ELAVL2: variants seen among roughly 807,000 people sequenced by gnomAD.
ELAVL2 encodes ELAV like RNA binding protein 2.
A neutral mutation model predicts 34.6 loss-of-function variants in ELAVL2; 4 were observed. The ratio of observed to expected loss-of-function variants is 0.12; its 90% CI spans 0.06 to 0.26. The LOEUF is 0.26. ELAVL2 is among the 10% of genes least tolerant of loss of function. ELAVL2 has a pLI of 1.00. For synonymous variants in ELAVL2, 193 were observed against 154.8 expected, an observed-to-expected ratio of 1.25 and a Z score of -1.83; for missense variants, 432 against 442.8, an observed-to-expected ratio of 0.98 and a Z score of 0.22.
chr9:23,789,023 G>T (rs775881658), intron 1 of ELAVL2, among the ~76,000 whole-genome samples: 1 of 152,180 alleles, frequency 6.6e-6, no homozygotes, highest in African/African-American at 2.4e-5. Flanking sequence ...CCAAGCAAAA[G>T]AAAAGAGACC....
chr9:23,765,511 G>A (rs967985312), intron 1 of ELAVL2, among the ~76,000 whole-genome samples: 1 of 152,084 alleles, frequency 6.6e-6, no homozygotes, highest in Non-Finnish European at 1.5e-5. Flanking sequence ...ATTCCTAAGT[G>A]ATTGGTTTGC....
chr9:23,830,913 C>T (rs1179385997), upstream of ELAVL2, among the ~76,000 whole-genome samples: 2 of 151,990 alleles, frequency 1.3e-5, no homozygotes, highest in Non-Finnish European at 2.9e-5. Context: ...AAAAAAACCC[C>T]AAAAAACCCG....
intron 2 of ELAVL2, among the ~76,000 whole-genome samples, chr9:23,750,493 T>A (rs750705744): frequency 1.3e-5 from 2 of 152,100 alleles, no homozygotes; most frequent in Non-Finnish European, 2.9e-5. Flanking sequence ...AGATATTAGA[T>A]CCCAAATCAT....
chr9:23,721,167 C>T (rs1170075163), intron 3 of ELAVL2, among the ~76,000 whole-genome samples: 5 of 152,106 alleles, frequency 3.3e-5, no homozygotes, highest in Admixed American at 3.3e-4. Context: ...AAATCACCTG[C>T]AAATGCAAAA....
At chr9:23,768,564 A>G (rs1428656923) in intron 1 of ELAVL2, among the ~76,000 whole-genome samples, 1 of 152,070 alleles carries the variant, frequency 6.6e-6, no homozygotes, top group East Asian at 1.9e-4. Flanking sequence ...AGAAGTAATT[A>G]TGAAAGCATA....
intron 2 of ELAVL2, among the ~76,000 whole-genome samples, chr9:23,759,743 CATATATAGTATTATATATATATAT>C (rs2054436898): frequency 1.2e-5 from 1 of 80,454 alleles, no homozygotes; most frequent in African/African-American, 5.4e-5. Context: ...GTGTATACAT[CATATATAGTATTATATATATATAT>C]ATATATATAT....
At chr9:23,705,148 C>CG in intron 3 of ELAVL2, 77 bp from the exon 4 acceptor site, 1 of 1,546,368 alleles carries the variant, frequency 6.5e-7, no homozygotes, top group Non-Finnish European at 8.8e-7. Flanking sequence ...AAAACTGCCT[C>CG]GGTAACTTTC....
At chr9:23,795,830 T>C (rs947766668) in intron 1 of ELAVL2, among the ~76,000 whole-genome samples, 25 of 152,380 alleles carry the variant, frequency 1.6e-4, no homozygotes, top group Admixed American at 9.8e-4. Flanking sequence ...ATTTTATTGC[T>C]ATTTAGCATT....
At chr9:23,819,092 C>T (rs1218581743) in intron 1 of ELAVL2, among the ~76,000 whole-genome samples, 1 of 152,050 alleles carries the variant, frequency 6.6e-6, no homozygotes, top group East Asian at 1.9e-4. Flanking sequence ...AGGGGAGGCA[C>T]ATTATTTTTA....
intron 2 of ELAVL2, among the ~76,000 whole-genome samples, chr9:23,752,112 CA>C (rs1175638688): frequency 8.6e-5 from 13 of 152,026 alleles, no homozygotes; most frequent in African/African-American, 2.7e-4. Flanking sequence ...GGGGGAAAAA[CA>C]AAAGTCTGCA....
chr9:23,716,651 G>C (rs2042379066), intron 3 of ELAVL2, among the ~76,000 whole-genome samples: 1 of 152,092 alleles, frequency 6.6e-6, no homozygotes, highest in Non-Finnish European at 1.5e-5. Flanking sequence ...GCTCTCCAAA[G>C]ACAAAAATCC....
chr9:23,818,379 C>A (rs1263600495), intron 1 of ELAVL2, among the ~76,000 whole-genome samples: 1 of 152,200 alleles, frequency 6.6e-6, no homozygotes, highest in East Asian at 1.9e-4. Context: ...TCCAAAAATT[C>A]TTAAGAATTT....
At chr9:23,711,397 A>G (rs931627701) in intron 3 of ELAVL2, among the ~76,000 whole-genome samples, 5 of 152,068 alleles carry the variant, frequency 3.3e-5, no homozygotes, top group African/African-American at 1.2e-4. Context: ...GTCATCCTCA[A>G]CTTAAATTAC....
chr9:23,754,315 G>A (rs2135713164), intron 2 of ELAVL2, among the ~76,000 whole-genome samples: 1 of 152,196 alleles, frequency 6.6e-6, no homozygotes, highest in East Asian at 1.9e-4. Context: ...AGCCATTAAA[G>A]GCTTCATTAC....
chr9:23,796,230 C>T (rs1424443298), intron 1 of ELAVL2, among the ~76,000 whole-genome samples: 1 of 152,210 alleles, frequency 6.6e-6, no homozygotes, highest in African/African-American at 2.4e-5. Context: ...ATGGGGCTTT[C>T]ACTGGGTTAT....
At chr9:23,832,052 T>A in the ELAVL2 span, 1 of 152,246 alleles carries the variant, frequency 6.6e-6, no homozygotes, top group Non-Finnish European at 1.5e-5. Context: ...ATTCCGTCTT[T>A]ATCTGAGCAG....
chr9:23,729,251 C>T (rs1195095407), intron 3 of ELAVL2, among the ~76,000 whole-genome samples: 2 of 152,130 alleles, frequency 1.3e-5, no homozygotes, highest in Non-Finnish European at 2.9e-5. Flanking sequence ...GTTCCTGGGA[C>T]AAGCCATCTT....
chr9:23,841,434 G>C, the ELAVL2 span, among the ~76,000 whole-genome samples: 1 of 151,696 alleles, frequency 6.6e-6, no homozygotes, highest in Admixed American at 6.6e-5. Context: ...TTTTACTTTA[G>C]AGTTTCTAGA....
intron 3 of ELAVL2, among the ~76,000 whole-genome samples, chr9:23,718,122 G>A (rs1183512193): frequency 6.6e-6 from 1 of 152,100 alleles, no homozygotes; most frequent in Non-Finnish European, 1.5e-5. Flanking sequence ...GGGGTGGGAA[G>A]TCTTGAACAT....
Sources: gnomAD v4.1 joint callset for allele counts (sites outside exome capture counted in the v4.1 genomes callset) on GRCh38, gnomAD v4.1.1 for gene constraint, MANE v1.5 for transcripts, NCBI Gene and HGNC (gene_info 2026-07-23, HGNC 2026-07-21) for gene names.